ARHGEF11: variants seen among roughly 807,000 people sequenced by gnomAD.
ARHGEF11 encodes the protein Rho guanine exchange factor (GEF) 11.
Under a neutral mutation model 193.7 loss-of-function variants are expected in ARHGEF11, and 55 were observed. That is an observed-to-expected ratio of 0.28 (90% confidence interval 0.23 to 0.36). The LOEUF is 0.36. ARHGEF11 is among the 10% of genes least tolerant of loss of function. ARHGEF11 has a pLI of 1.00. For missense variants in ARHGEF11, 1,723 were observed against 2,005.6 expected, an observed-to-expected ratio of 0.86 and a Z score of 2.69; for synonymous variants, 693 against 768.0, an observed-to-expected ratio of 0.90 and a Z score of 1.62.
At chr1:156,937,529 G>C in intron 38 of ARHGEF11, 33 bp from the exon 39 acceptor site, 1 of 1,504,226 alleles carries the variant, frequency 6.6e-7, no homozygotes, top group African/African-American at 1.4e-5. Flanking sequence ...AGATCAGGAG[G>C]CAAACAGAGA....
intron 1 of ARHGEF11, among the ~76,000 whole-genome samples, chr1:157,024,380 G>A (rs1003072426): frequency 2.0e-5 from 3 of 152,094 alleles, no homozygotes; most frequent in African/African-American, 7.2e-5. Flanking sequence ...ACGACCTTAG[G>A]TGAATCTCAT....
rs754683030 is a variant in ARHGEF11, at chr1:156,939,884, A to G, written c.3760T>C (p.Trp1254Arg). Residue 1254 changes from tryptophan to arginine, a missense_variant, in exon 37 of 41, where the codon TGG becomes CGG. Coordinates refer to ENST00000368194, the MANE Select transcript of ARHGEF11 (RefSeq NM_198236.3). Reference protein sequence around the residue: ...DVENLRHLILWSLLPGHTMET... With the variant: ...DVENLRHLILRSLLPGHTMET... ...ATGGTGTGACCTGGCAGCAGGCTCC[A>G]CAGGATCAGATGTCGCAGGTTCTCC... 1.9e-4 allele frequency: 309 copies of G among 1,607,882 alleles called. 2 individuals carry two copies. The South Asian group carries it at 2.2e-3, about 11-fold the overall frequency.
chr1:157,019,341 A>C (rs974597213), intron 1 of ARHGEF11, among the ~76,000 whole-genome samples: 23 of 152,254 alleles, frequency 1.5e-4, no homozygotes, highest in African/African-American at 5.5e-4. Flanking sequence ...ATAAGATGTT[A>C]CTATGTATGT....
chr1:156,986,270 G>C (rs1305019621), intron 1 of ARHGEF11, 97 bp from the exon 2 acceptor site: 1 of 1,012,602 alleles, frequency 9.9e-7, no homozygotes, highest in African/African-American at 1.6e-5. Context: ...CTGAGTCTTG[G>C]ATAATGAGAG....
intron 18 of ARHGEF11, 65 bp downstream of exon 18, chr1:156,957,727 C>T: frequency 6.5e-7 from 1 of 1,529,950 alleles, no homozygotes; most frequent in Non-Finnish European, 9.1e-7. Context: ...AAATGGAAAG[C>T]ATAGTAGCTC....
intron 1 of ARHGEF11, among the ~76,000 whole-genome samples, chr1:157,010,971 T>C (rs889585583): frequency 6.6e-6 from 1 of 152,180 alleles, no homozygotes; most frequent in African/African-American, 2.4e-5. Context: ...GAAATCCCTA[T>C]TAAAATCTCA....
chr1:157,041,994 T>A (rs2103107097), intron 1 of ARHGEF11, among the ~76,000 whole-genome samples: 2 of 152,336 alleles, frequency 1.3e-5, no homozygotes, highest in East Asian at 3.9e-4. Context: ...CCTTTCAGTG[T>A]GATTTAAATC....
At chr1:156,991,001 T>C (rs757632563) in intron 1 of ARHGEF11, among the ~76,000 whole-genome samples, 3 of 152,208 alleles carry the variant, frequency 2.0e-5, no homozygotes, top group Non-Finnish European at 4.4e-5. Context: ...GAAAAATTTA[T>C]TATAAATTTT....
rs145416871 is a variant in ARHGEF11, at chr1:157,038,029, C to CAAA, written c.32+6267_32+6269dup. Among the ~76,000 whole-genome samples, 66 of 45,488 alleles carry CAAA rather than the reference C, an allele frequency of 1.5e-3. 7 individuals are homozygous for CAAA. Among genetic ancestry groups the CAAA allele is most frequent in the African/African-American group, 3.8e-3 (41 of 10,910 alleles). 29.8% of individuals were successfully genotyped at this position (45,488 alleles called of 152,430 possible). A position where few individuals can be genotyped will look rare whatever the true frequency, so the allele number is the denominator to read the frequency against. ...CCTGGGTGACAGAGCAAGACTGTCTCAAAAAAAAAAAAAAAAAAAAAAAAA... is the reference window on the plus strand; with the variant it reads ...CCTGGGTGACAGAGCAAGACTGTCTCAAAAAAAAAAAAAAAAAAAAAAAAAAAA... On this transcript the variant is annotated intron_variant, in intron 1 of 40. Transcript: ENST00000368194.
At chr1:157,025,148 G>C (rs1159687501) in intron 1 of ARHGEF11, among the ~76,000 whole-genome samples, 2 of 152,194 alleles carry the variant, frequency 1.3e-5, no homozygotes, top group Non-Finnish European at 2.9e-5. Context: ...GAGAAGGGGA[G>C]ATTTGTTATC....
Position 156,948,941 on chromosome 1 carries a change from G to GCTCC in ARHGEF11, c.1926-447_1926-444dup, listed in dbSNP as rs1261869778. ...GTTGCCTCTGCTTTGGAACGGGTCAGCTCCCACCTTTAACTCTGCCTGAGG... is the reference window on the plus strand; with the variant it reads ...GTTGCCTCTGCTTTGGAACGGGTCAGCTCCCTCCCACCTTTAACTCTGCCTGAGG... On this transcript the variant is annotated intron_variant, in intron 22 of 40. Coordinates refer to ENST00000368194, the MANE Select transcript of ARHGEF11 (RefSeq NM_198236.3). This position sits in a 1 kb window ranked among gnomAD's most constrained non-coding sequence, Gnocchi z 4.2. 2 of 985,420 alleles carry GCTCC rather than the reference G, an allele frequency of 2.0e-6. No homozygotes were observed. Among genetic ancestry groups the GCTCC allele is most frequent in the East Asian group, 2.3e-4 (2 of 8,806 alleles). The allele number at this position is 985,420 out of a possible 1,614,324, so 61.0% of individuals were successfully genotyped here. A position where few individuals can be genotyped will look rare whatever the true frequency, so the allele number is the denominator to read the frequency against.
At chr1:157,029,469 AC>A (rs2102989962) in intron 1 of ARHGEF11, among the ~76,000 whole-genome samples, 1 of 152,220 alleles carries the variant, frequency 6.6e-6, no homozygotes, top group South Asian at 2.1e-4. Context: ...ATGGGGTTTC[AC>A]CATGTTGGTT....
At position 156,936,036 on chromosome 1, in the gene ARHGEF11, G is replaced by A. The variant is rs1180399230; in HGVS notation, c.4653C>T (p.Asp1551=). The change falls in exon 41 of 41, where the codon GAC becomes GAT. Residue 1551 remains aspartate, a synonymous_variant. Transcript: ENST00000368194. The stretch of plus-strand genomic sequence containing the variant: ...GTGACGCGGCTGCGTCTGCTGTGCT[G>A]TCTTCCAGGGGGGCGTCAGAGCCTG... The part of the protein sequence containing the change: ...PEDGSDAPLE[D]STADAAASPG... 6.2e-7 allele frequency: 1 copy of A among 1,613,908 alleles called. No individual in the cohort carries two copies. The highest frequency in any genetic ancestry group is 1.3e-5 in the African/African-American group (1 of 74,926).
intron 22 of ARHGEF11, chr1:156,949,002 A>G: frequency 3.0e-6 from 3 of 985,442 alleles, no homozygotes; most frequent in Non-Finnish European, 3.6e-6. Flanking sequence ...AGGAAAGTGG[A>G]GTCACTATAT....
Position 156,961,699 on chromosome 1 carries a change from T to C in ARHGEF11, c.1217A>G (p.Asn406Ser), listed in dbSNP as rs1168654973. 1 of 1,614,080 alleles carries C rather than the reference T, an allele frequency of 6.2e-7. No individual in the cohort carries two copies. Among genetic ancestry groups the C allele is most frequent in the Non-Finnish European group, 8.5e-7 (1 of 1,180,030 alleles). ...DSRSLGKDIW[N>S]IFLEKNAPLR... is the part of the protein sequence containing the mutation. ...TACCGCATTTTTCTCCAGGAAAATATTCCAGATGTCTTTCCCCAAGCTTCG... is the reference window on the plus strand; with the variant it reads ...TACCGCATTTTTCTCCAGGAAAATACTCCAGATGTCTTTCCCCAAGCTTCG... The change falls in exon 14 of 41, where the codon AAT becomes AGT. Residue 406 changes from asparagine (N) to serine (S), a missense_variant. Around this residue, in one of 5 missense-constraint regions of ARHGEF11, gnomAD observed 646 missense variants for 710.7 expected, o/e 0.91. Transcript: ENST00000368194.
intron 1 of ARHGEF11, among the ~76,000 whole-genome samples, chr1:157,017,114 A>C (rs1044807455): frequency 6.6e-6 from 1 of 152,244 alleles, no homozygotes; most frequent in African/African-American, 2.4e-5. Flanking sequence ...ATGGACAATC[A>C]GGATGGCGAA....
At chr1:156,976,637 C>G (rs1417730173) in intron 7 of ARHGEF11, among the ~76,000 whole-genome samples, 12 of 152,208 alleles carry the variant, frequency 7.9e-5, no homozygotes. Flanking sequence ...TGCTCCCCAC[C>G]TCTTTCAGTC....
At chr1:156,951,846 G>C in intron 21 of ARHGEF11, 147 bp from the exon 22 acceptor site, 1 of 1,067,434 alleles carries the variant, frequency 9.4e-7, no homozygotes, top group Non-Finnish European at 1.4e-6. Flanking sequence ...GATGTGTTCT[G>C]GTCCTGGCTC....
intron 25 of ARHGEF11, 25 bp from the exon 26 acceptor site, chr1:156,947,475 G>T (rs939175028): frequency 2.6e-6 from 4 of 1,567,630 alleles, no homozygotes; most frequent in Non-Finnish European, 3.4e-6. Context: ...TGACAAGGAG[G>T]GTAGAAAGCC....
Sources: gnomAD v4.1 joint callset for allele counts (sites outside exome capture counted in the v4.1 genomes callset) on GRCh38, gnomAD v4.1.1 for gene constraint, gnomAD v4.1.1 regional missense constraint, Gnocchi (gnomAD v3.1) non-coding constraint, MANE v1.5 for transcripts, NCBI Gene and HGNC (gene_info 2026-07-23, HGNC 2026-07-21) for gene names.